Variants in HNRNPUL2 observed in about 807,000 individuals in gnomAD.
The protein encoded by HNRNPUL2 is heterogeneous nuclear ribonucleoprotein U-like protein 2.
Under a neutral mutation model 102.2 loss-of-function variants are expected in HNRNPUL2, and 27 were observed. That is an observed-to-expected ratio of 0.26 (90% confidence interval 0.19 to 0.36). The LOEUF is 0.36. Ranked by LOEUF, HNRNPUL2 falls within the 10% of genes least tolerant of loss-of-function variation. The pLI is 1.00. For synonymous variants in HNRNPUL2, 458 were observed against 387.2 expected, an observed-to-expected ratio of 1.18 and a Z score of -2.15; for missense variants, 936 against 981.1, an observed-to-expected ratio of 0.95 and a Z score of 0.61.
chr11:62,717,010 G>A lies in HNRNPUL2; in HGVS notation c.1960C>T (p.Arg654Ter). 1 of 1,613,308 alleles carries A rather than the reference G, an allele frequency of 6.2e-7. No homozygotes were observed. The highest frequency in any genetic ancestry group is 8.5e-7 in the Non-Finnish European group (1 of 1,179,994). The change falls in exon 11 of 14, where the codon CGA becomes TGA. Residue 654 changes from arginine (R) to a stop codon, truncating the protein, a stop_gained. Coordinates refer to ENST00000301785, the MANE Select transcript of HNRNPUL2 (RefSeq NM_001079559.3). LOFTEE classifies it high-confidence loss of function. Reference sequence around the variant, plus strand: ...TCACCATAGCCTTGGCCCCGGCTTCGGTTCTGCCGGTTACGCTTGTTTCGG... The same window carrying A: ...TCACCATAGCCTTGGCCCCGGCTTCAGTTCTGCCGGTTACGCTTGTTTCGG... ...NNRNKRNRQN[R>*]SRGQGYVGGQ...
Position 62,713,036 on chromosome 11 carries a change from T to C in HNRNPUL2, c.*2263A>G, listed in dbSNP as rs2083631423. Reference sequence around the variant, plus strand: ...ATCTACTGTTGTTGCAAATGATCTCTTGGACTAAACCAACAAGGATGTGGC... The same window carrying C: ...ATCTACTGTTGTTGCAAATGATCTCCTGGACTAAACCAACAAGGATGTGGC... On this transcript the variant is annotated 3_prime_UTR_variant, in exon 14 of 14. Transcript: ENST00000301785. 1 of 152,244 alleles carries C rather than the reference T, an allele frequency of 6.6e-6. No homozygotes were observed. Among genetic ancestry groups the C allele is most frequent in the Non-Finnish European group, 1.5e-5 (1 of 68,040 alleles). The allele number at this position is 152,244 out of a possible 1,614,324, so 9.4% of individuals were successfully genotyped here.
intron 9 of HNRNPUL2, among the ~76,000 whole-genome samples, chr11:62,721,078 A>T (rs944496798): frequency 6.6e-6 from 1 of 152,176 alleles, no homozygotes; most frequent in Non-Finnish European, 1.5e-5. Context: ...AATGAGTTCC[A>T]ACTCTTTCCA....
chr11:62,717,217 G>C, intron 10 of HNRNPUL2, 28 bp from the exon 11 acceptor site: 1 of 1,576,304 alleles, frequency 6.3e-7, no homozygotes, highest in Non-Finnish European at 8.7e-7. Flanking sequence ...AAGCTTGTGG[G>C]CCTGAAAAGT....
chr11:62,716,787 TTTG>T (rs2083663446), intron 11 of HNRNPUL2, among the ~76,000 whole-genome samples, 199 bp downstream of exon 11: 2 of 152,152 alleles, frequency 1.3e-5, no homozygotes, highest in African/African-American at 2.4e-5. Context: ...AAAGAGGATT[TTTG>T]TTGTTGTTGA....
rs909259178 is a variant in HNRNPUL2, at chr11:62,723,730, T to C, written c.752-4A>G. ...TGAAAATGCAGATCCGAGGTATCTG[T>C]AAAGAAAGAAGCAATCAGTTTACTC... is the stretch of plus-strand genomic sequence containing the variant. On this transcript the variant is annotated splice_region_variant and splice_polypyrimidine_tract_variant and intron_variant, in intron 3 of 13. Transcript: ENST00000301785. The C allele has an allele frequency of 6.2e-6, 10 of 1,614,084 alleles. No homozygotes were observed. In the East Asian group the frequency reaches 2.2e-4, roughly 36 times the overall value.
Position 62,717,076 on chromosome 11 carries a change from G to A in HNRNPUL2, c.1894C>T (p.Leu632Phe). The A allele has an allele frequency of 6.2e-7, 1 of 1,614,202 alleles. No homozygotes were observed. The highest frequency in any genetic ancestry group is 1.3e-5 in the African/African-American group (1 of 75,046). ...VTKYKEEARK[L>F]LPPSEKRTNR... ...GTCCGCTTCTCGGAGGGGGGCAGAA[G>A]CTTCCTTGCCTCCTCCTTGTACTTA... is the stretch of plus-strand genomic sequence containing the variant. The change falls in exon 11 of 14, where the codon CTT (leucine) becomes TTT (phenylalanine). Residue 632 changes from leucine to phenylalanine, a missense_variant. Around this residue, in one of 2 missense-constraint regions of HNRNPUL2, gnomAD observed 609 missense variants for 713.0 expected, o/e 0.85. Transcript: ENST00000301785.
rs771047549 is a variant in HNRNPUL2 at position 62,727,040 on chromosome 11, G to T, written c.117C>A (p.Ala39=). 139 of 1,405,192 alleles carry T rather than the reference G, an allele frequency of 9.9e-5. No homozygotes were observed. The highest frequency in any genetic ancestry group is 1.3e-4 in the Non-Finnish European group (136 of 1,077,892). The allele number at this position is 1,405,192 out of a possible 1,614,324, so 87.0% of individuals were successfully genotyped here. The change falls in exon 1 of 14, where the codon GCC becomes GCA. Residue 39 remains alanine, a synonymous_variant. Coordinates refer to ENST00000301785, the MANE Select transcript of HNRNPUL2 (RefSeq NM_001079559.3). ...LAQRLQEALD[A]EMLEDEAGGG... Reference sequence around the variant, plus strand: ...CGCCGGCCTCGTCCTCGAGCATCTCGGCGTCCAGCGCCTCCTGCAGCCGCT... The same window carrying T: ...CGCCGGCCTCGTCCTCGAGCATCTCTGCGTCCAGCGCCTCCTGCAGCCGCT...
chr11:62,715,630 A>G (rs1298534353), intron 12 of HNRNPUL2, 23 bp from the exon 13 acceptor site: 1 of 1,575,844 alleles, frequency 6.3e-7, no homozygotes, highest in Non-Finnish European at 8.7e-7. Flanking sequence ...AAGAAAAAGG[A>G]GTGAAGGTTT....
At position 62,717,198 on chromosome 11, in the gene HNRNPUL2, G is replaced by GT; in HGVS notation, c.1781-10dup. On this transcript the variant is annotated splice_polypyrimidine_tract_variant and intron_variant, in intron 10 of 13. Coordinates refer to ENST00000301785, the MANE Select transcript of HNRNPUL2 (RefSeq NM_001079559.3). ...AGGCAAAGAGAAGTTGGCTATAAGA[G>GT]TAAGAGAGAAGCTTGTGGGCCTGAA... The GT allele has an allele frequency of 8.7e-6, 14 of 1,610,692 alleles. No homozygotes were observed. The highest frequency in any genetic ancestry group is 1.2e-5 in the Non-Finnish European group (14 of 1,177,830).
chr11:62,720,215 T>C (rs890799307), intron 9 of HNRNPUL2, 24 bp from the exon 10 acceptor site: 4 of 1,607,710 alleles, frequency 2.5e-6, no homozygotes, highest in African/African-American at 2.7e-5. Flanking sequence ...GAATAACTGA[T>C]GTTTAGGAAG....
Position 62,714,795 on chromosome 11 carries a change from T to C in HNRNPUL2, c.*504A>G, listed in dbSNP as rs894464. 737 of 154,804 alleles carry C rather than the reference T, an allele frequency of 4.8e-3. 40 individuals are homozygous for C. In the East Asian group the frequency reaches 0.11, roughly 24 times the overall value. The allele number at this position is 154,804 out of a possible 1,614,324, so 9.6% of individuals were successfully genotyped here. ...AAGAGCCAATCGTTTATTTTCACTG[T>C]CCCAGTCACAAGCTCTCCCTCTGTC... is the stretch of plus-strand genomic sequence containing the variant. On this transcript the variant is annotated 3_prime_UTR_variant, in exon 14 of 14. Transcript: ENST00000301785.
At chr11:62,723,358 G>C (rs957732865) in intron 4 of HNRNPUL2, among the ~76,000 whole-genome samples, 6 of 152,146 alleles carry the variant, frequency 3.9e-5, no homozygotes, top group Non-Finnish European at 7.4e-5. Flanking sequence ...AGGTGTGGTG[G>C]CGCATGCCTG....
intron 1 of HNRNPUL2, among the ~76,000 whole-genome samples, chr11:62,725,923 AC>A (rs1455554533): frequency 6.6e-6 from 1 of 152,228 alleles, no homozygotes; most frequent in Non-Finnish European, 1.5e-5. Flanking sequence ...CAGCAAATCT[AC>A]AAATATGCCT....
rs1425319496 is a variant in HNRNPUL2, at chr11:62,714,625, C to A, written c.*674G>T. Reference sequence around the variant, plus strand: ...TAAAATAGAACCACCCACTGGCAGTCTCCATGCCTCAGCCAAACAGCACAA... The same window carrying A: ...TAAAATAGAACCACCCACTGGCAGTATCCATGCCTCAGCCAAACAGCACAA... On this transcript the variant is annotated 3_prime_UTR_variant, in exon 14 of 14. Transcript: ENST00000301785. The A allele has an allele frequency of 6.6e-6, 1 of 152,376 alleles. No homozygotes were observed. The highest frequency in any genetic ancestry group is 1.5e-5 in the Non-Finnish European group (1 of 68,180). 9.4% of individuals were successfully genotyped at this position (152,376 alleles called of 1,614,324 possible). A position where few individuals can be genotyped will look rare whatever the true frequency, so the allele number is the denominator to read the frequency against.
chr11:62,719,378 G>T (rs1433795548), intron 10 of HNRNPUL2, among the ~76,000 whole-genome samples: 1 of 152,134 alleles, frequency 6.6e-6, no homozygotes, highest in Non-Finnish European at 1.5e-5. Context: ...TTGAACCCAG[G>T]AGGTGGACGT....
In HNRNPUL2 at chr11:62,727,146, T is replaced by C. The variant is rs1236434142; in HGVS notation, c.11A>G (p.Lys4Arg). 12 of 1,438,158 alleles carry C rather than the reference T, an allele frequency of 8.3e-6. No homozygotes were observed. Among genetic ancestry groups the C allele is most frequent in the Non-Finnish European group, 1.1e-5 (12 of 1,097,664 alleles). 89.1% of individuals were successfully genotyped at this position (1,438,158 alleles called of 1,614,324 possible). Residue 4 changes from lysine to arginine, a missense_variant, in exon 1 of 14, where the codon AAG (lysine) becomes AGG (arginine). Physicochemically the swap from Lys to Arg is conservative, Grantham distance 26. Transcript: ENST00000301785. MEVKRLKVTELRSE... is the reference protein window; with the variant it reads MEVRRLKVTELRSE... ...CCGCAGCTCGGTCACTTTCAGCCGCTTCACCTCCATCGCCGCCGCCGCCTC... is the reference window on the plus strand; with the variant it reads ...CCGCAGCTCGGTCACTTTCAGCCGCCTCACCTCCATCGCCGCCGCCGCCTC...
At position 62,727,189 on chromosome 11, in the gene HNRNPUL2, T is replaced by C; in HGVS notation, c.-33A>G. On this transcript the variant is annotated 5_prime_UTR_variant, in exon 1 of 14. Coordinates refer to ENST00000301785, the MANE Select transcript of HNRNPUL2 (RefSeq NM_001079559.3). Reference sequence around the variant, plus strand: ...GCCGCCTCCTCCGCCTCCCGCCGCCTCCTCCCCTGCGAACCGTCGACCGAG... The same window carrying C: ...GCCGCCTCCTCCGCCTCCCGCCGCCCCCTCCCCTGCGAACCGTCGACCGAG... 2 of 1,375,024 alleles carry C rather than the reference T, an allele frequency of 1.5e-6. No individual in the cohort carries two copies. Among genetic ancestry groups the C allele is most frequent in the South Asian group, 3.0e-5 (2 of 67,008 alleles). The allele number at this position is 1,375,024 out of a possible 1,614,324, so 85.2% of individuals were successfully genotyped here.
Position 62,717,068 on chromosome 11 carries a change from G to A in HNRNPUL2, c.1902C>T (p.Pro634=). ...GGCGATTTGTCCGCTTCTCGGAGGG[G>A]GGCAGAAGCTTCCTTGCCTCCTCCT... ...KYKEEARKLL[P]PSEKRTNRRN... The change falls in exon 11 of 14, where the codon CCC becomes CCT. Residue 634 remains proline, a synonymous_variant. Transcript: ENST00000301785. The A allele has an allele frequency of 6.2e-7, 1 of 1,614,160 alleles. No individual in the cohort carries two copies.
intron 1 of HNRNPUL2, 122 bp from the exon 2 acceptor site, chr11:62,724,548 CACT>C: frequency 1.0e-6 from 1 of 997,424 alleles, no homozygotes; most frequent in South Asian, 1.6e-5. Context: ...AGGTTATTCC[CACT>C]ACATTCACAT....
Sources: allele counts gnomAD v4.1 joint callset (sites outside exome capture counted in the v4.1 genomes callset), GRCh38; gene constraint gnomAD v4.1.1; regional missense constraint gnomAD v4.1.1; transcripts MANE v1.5; gene names NCBI Gene and HGNC (gene_info 2026-07-23, HGNC 2026-07-21).